The following SCOC variants were observed in gnomAD, a reference collection of about 807,000 sequenced individuals.
The protein encoded by SCOC is short coiled-coil protein.
In SCOC, 7 loss-of-function variants were observed where a neutral mutation model predicts 9.9. The observed-to-expected ratio is 0.71, with a 90% CI of 0.40 to 1.33. The LOEUF (loss-of-function observed/expected upper bound fraction) is 1.33, where lower values mean the gene tolerates loss of function less well. Ranked by LOEUF, SCOC falls within the 40% of genes most tolerant of loss-of-function variation. The probability of loss-of-function intolerance (pLI) is 0.01; values close to 1 mark genes in which losing one functional copy is unlikely to be tolerated. For synonymous variants in SCOC, 19 were observed against 28.2 expected (o/e 0.67, Z 1.03); for missense variants, 66 against 89.7 (o/e 0.74, Z 1.07).
chr4:140,297,268 GT>G lies in SCOC; in HGVS notation c.-19+39859del, dbSNP rs1731669594. On this transcript the variant is annotated intron_variant, in intron 1 of 4. Transcript: ENST00000394205. ...CGGAGAGGAGAGCATTCTGGTGACT[GT>G]GGGGGGGGGGGCACTGTTGTCAGTA... Among the ~76,000 whole-genome samples the G allele has an allele frequency of 8.7e-5, 4 of 46,020 alleles. No individual in the cohort carries two copies. In the South Asian group the frequency reaches 3.2e-3, roughly 37 times the overall value. 30.2% of individuals were successfully genotyped at this position (46,020 alleles called of 152,430 possible).
At chr4:140,362,300 T>TCCTTCTCCTTCTCCTTCTCC (rs1553941120) in intron 2 of SCOC, among the ~76,000 whole-genome samples, 4 of 36,582 alleles carry the variant, frequency 1.1e-4, no homozygotes, top group African/African-American at 1.1e-4. Context: ...CTTCTTCTTC[T>TCCTTCTCCTTCTCCTTCTCC]TTTTTTTTTT....
intron 1 of SCOC, among the ~76,000 whole-genome samples, chr4:140,294,884 C>G (rs1731579722): frequency 6.6e-6 from 1 of 152,196 alleles, no homozygotes; most frequent in African/African-American, 2.4e-5. Context: ...ACTATTTCTT[C>G]TCCAAGGTTT....
At chr4:140,291,569 A>C (rs568120261) in intron 1 of SCOC, 1 of 453,218 alleles carries the variant, frequency 2.2e-6, no homozygotes, top group South Asian at 1.6e-5. Flanking sequence ...GAAAAGCAAC[A>C]GAACAAAAAA....
intron 2 of SCOC, among the ~76,000 whole-genome samples, chr4:140,365,692 T>C (rs1301761753): frequency 6.6e-6 from 1 of 152,202 alleles, no homozygotes; most frequent in Admixed American, 6.5e-5. Flanking sequence ...GCTTGTTCAA[T>C]GTGAAAATGA....
At chr4:140,348,641 A>G (rs1477817230) in intron 2 of SCOC, among the ~76,000 whole-genome samples, 1 of 152,028 alleles carries the variant, frequency 6.6e-6, no homozygotes, top group African/African-American at 2.4e-5. Flanking sequence ...TTGTTTCCAT[A>G]TCTTGGCTAT....
chr4:140,329,370 C>G (rs1179441475), intron 1 of SCOC, among the ~76,000 whole-genome samples: 2 of 152,050 alleles, frequency 1.3e-5, no homozygotes, highest in Non-Finnish European at 2.9e-5. Flanking sequence ...TTGGAAAAAC[C>G]CTATTAGACA....
chr4:140,344,433 G>C (rs1260303253), intron 2 of SCOC, among the ~76,000 whole-genome samples: 1 of 152,154 alleles, frequency 6.6e-6, no homozygotes, highest in Non-Finnish European at 1.5e-5. Context: ...TACTAATTTT[G>C]ATTAACAGAG....
Position 140,282,247 on chromosome 4 carries a change from G to T in SCOC, c.-19+24837G>T, listed in dbSNP as rs113803435. Among the ~76,000 whole-genome samples the T allele has an allele frequency of 9.2e-3, 1,402 of 152,164 alleles. 23 individuals carry two copies. Among genetic ancestry groups the T allele is most frequent in the African/African-American group, 0.031 (1,282 of 41,498 alleles). Reference sequence around the variant, plus strand: ...ATCATTTAAATTCATCCTCCTGCAGGTCCCTTGATAGGGCTGCAACTTGGC... The same window carrying T: ...ATCATTTAAATTCATCCTCCTGCAGTTCCCTTGATAGGGCTGCAACTTGGC... On this transcript the variant is annotated intron_variant, in intron 1 of 4. Coordinates refer to the SCOC transcript ENST00000394205.
intron 1 of SCOC, among the ~76,000 whole-genome samples, chr4:140,296,850 T>C (rs1004838013): frequency 6.6e-6 from 1 of 152,208 alleles, no homozygotes; most frequent in African/African-American, 2.4e-5. Flanking sequence ...CTTAACAGTA[T>C]CTTTCTGTGG....
At chr4:140,271,433 T>C (rs1730842904) in intron 1 of SCOC, among the ~76,000 whole-genome samples, 1 of 152,244 alleles carries the variant, frequency 6.6e-6, no homozygotes, top group Non-Finnish European at 1.5e-5. Context: ...GGATGCCACC[T>C]ATTTTAATGA....
chr4:140,304,851 T>C (rs186093155), intron 1 of SCOC, among the ~76,000 whole-genome samples: 8 of 152,340 alleles, frequency 5.3e-5, no homozygotes, highest in Admixed American at 2.0e-4. Context: ...CAGAACCGAT[T>C]TGAGGTTGAC....
chr4:140,273,319 T>C (rs982710060), intron 1 of SCOC, among the ~76,000 whole-genome samples: 12 of 152,234 alleles, frequency 7.9e-5, no homozygotes, highest in African/African-American at 2.9e-4. Flanking sequence ...TTTTACTCTA[T>C]ATCTATGAGA....
At chr4:140,376,868 CTG>C (rs1393402907) in intron 1 of SCOC, 1 of 152,174 alleles carries the variant, frequency 6.6e-6, no homozygotes, top group African/African-American at 2.4e-5. Context: ...TACCCTATCA[CTG>C]TATTATATCT....
chr4:140,339,707 C>T (rs1280879071), upstream of SCOC, among the ~76,000 whole-genome samples: 2 of 152,166 alleles, frequency 1.3e-5, no homozygotes, highest in African/African-American at 4.8e-5. Context: ...AAAATGCTCA[C>T]CATCACTGGC....
At chr4:140,291,713 G>A (rs926533084) in intron 1 of SCOC, among the ~76,000 whole-genome samples, 13 of 152,142 alleles carry the variant, frequency 8.5e-5, no homozygotes, top group African/African-American at 3.1e-4. Context: ...GCTTGGGTAA[G>A]CCTTCAGTAG....
chr4:140,372,931 C>G (rs1578878645), upstream of SCOC, among the ~76,000 whole-genome samples: 1 of 152,206 alleles, frequency 6.6e-6, no homozygotes, highest in East Asian at 1.9e-4. Flanking sequence ...TGTTCACGCT[C>G]AGGCTTCAGT....
Position 140,331,885 on chromosome 4 carries a change from A to G in SCOC, c.-18-11736A>G, listed in dbSNP as rs192639910. Among the ~76,000 whole-genome samples, 3 of 152,306 alleles carry G rather than the reference A, an allele frequency of 2.0e-5. No individual in the cohort carries two copies. In the East Asian group the frequency reaches 5.8e-4, roughly 29 times the overall value. ...GTAATTTCTAAAGAACAGAGGTTTA[A>G]TTGGCCCACAGTTTCTCAGGTTGTA... On this transcript the variant is annotated intron_variant, in intron 1 of 4. Transcript: ENST00000394205.
chr4:140,332,125 G>A (rs148809258), intron 1 of SCOC, among the ~76,000 whole-genome samples: 202 of 152,196 alleles, frequency 1.3e-3, no homozygotes, highest in African/African-American at 4.7e-3. Flanking sequence ...AACCGCCCCC[G>A]TGATCCAACC....
At chr4:140,332,961 T>C (rs1436016134) in intron 1 of SCOC, among the ~76,000 whole-genome samples, 1 of 152,140 alleles carries the variant, frequency 6.6e-6, no homozygotes, top group Non-Finnish European at 1.5e-5. Flanking sequence ...CTGCATAACG[T>C]ATCCCATCTC....
Sources: gnomAD v4.1 joint callset for allele counts (sites outside exome capture counted in the v4.1 genomes callset) on GRCh38, gnomAD v4.1.1 for gene constraint, MANE v1.5 for transcripts, NCBI Gene and HGNC (gene_info 2026-07-23, HGNC 2026-07-21) for gene names.